Variants in NTM observed in about 807,000 individuals in gnomAD.
NTM encodes the protein IgLON family member 2.
In NTM, 13 loss-of-function variants were observed where a neutral mutation model predicts 42.1. That is an observed-to-expected ratio of 0.31 (90% CI 0.20 to 0.49). The LOEUF (loss-of-function observed/expected upper bound fraction) is 0.49. NTM is among the 20% of genes least tolerant of loss of function. The pLI is 0.99. For missense variants in NTM, 373 were observed against 452.8 expected (o/e 0.82, Z 1.60); for synonymous variants, 187 against 179.2 (o/e 1.04, Z -0.35).
intron 1 of NTM, among the ~76,000 whole-genome samples, chr11:131,557,606 G>C (rs1310396832): frequency 6.6e-6 from 1 of 152,248 alleles, no homozygotes; most frequent in South Asian, 2.1e-4. Context: ...AAATTAATAT[G>C]ACTATGCTGT....
intron 1 of NTM, among the ~76,000 whole-genome samples, chr11:131,617,772 C>G (rs562024981): frequency 5.3e-5 from 8 of 152,284 alleles, no homozygotes; most frequent in Middle Eastern, 3.4e-3. Flanking sequence ...GTTCTTTCCC[C>G]TGGGGTTTTT....
chr11:132,186,318 C>T (rs1419866260), intron 3 of NTM, among the ~76,000 whole-genome samples: 1 of 152,144 alleles, frequency 6.6e-6, no homozygotes, highest in African/African-American at 2.4e-5. Flanking sequence ...GAGACACAGC[C>T]ACCAAGGGAA....
chr11:131,905,132 T>C (rs1188405437), intron 1 of NTM, among the ~76,000 whole-genome samples: 2 of 152,182 alleles, frequency 1.3e-5, no homozygotes, highest in African/African-American at 4.8e-5. Flanking sequence ...TTGCAGCTAC[T>C]CCCTCATCTC....
chr11:131,541,185 C>A (rs1329155163), intron 1 of NTM, among the ~76,000 whole-genome samples: 1 of 152,166 alleles, frequency 6.6e-6, no homozygotes, highest in East Asian at 1.9e-4. Context: ...CCCCGTCCTG[C>A]CTCGAAACAA....
intron 1 of NTM, among the ~76,000 whole-genome samples, chr11:131,704,708 A>T (rs1290795630): frequency 6.6e-6 from 1 of 152,204 alleles, no homozygotes; most frequent in East Asian, 1.9e-4. Context: ...GTGAGCTACA[A>T]AGAGCATAAA....
intron 1 of NTM, among the ~76,000 whole-genome samples, chr11:131,598,982 C>G (rs1384641867): frequency 1.3e-5 from 2 of 150,600 alleles, no homozygotes; most frequent in Admixed American, 1.3e-4. Context: ...GGCACAATCT[C>G]AGCTCACTTC....
intron 2 of NTM, among the ~76,000 whole-genome samples, chr11:131,928,207 C>G (rs1364235313): frequency 6.6e-6 from 1 of 151,858 alleles, no homozygotes; most frequent in African/African-American, 2.4e-5. Flanking sequence ...CAAGGGTTAC[C>G]CAATGGTCTA....
chr11:131,508,235 GA>G (rs2047748734), intron 1 of NTM, among the ~76,000 whole-genome samples: 1 of 144,386 alleles, frequency 6.9e-6, no homozygotes, highest in Admixed American at 6.9e-5. Context: ...GACATGAACA[GA>G]CACTTCTCAA....
chr11:131,996,729 A>G (rs1210404057), intron 2 of NTM, among the ~76,000 whole-genome samples: 1 of 152,116 alleles, frequency 6.6e-6, no homozygotes, highest in Non-Finnish European at 1.5e-5. Context: ...TCCTGGAAGC[A>G]TGAGTGATTA....
intron 2 of NTM, among the ~76,000 whole-genome samples, chr11:131,935,481 C>T (rs1300397897): frequency 6.6e-6 from 1 of 152,076 alleles, no homozygotes; most frequent in African/African-American, 2.4e-5. Context: ...TGGGCCACTT[C>T]CATGTCCAAA....
At chr11:132,252,149 G>C (rs1458620307) in intron 4 of NTM, among the ~76,000 whole-genome samples, 1 of 150,572 alleles carries the variant, frequency 6.6e-6, no homozygotes, top group Admixed American at 6.6e-5. Flanking sequence ...CTCAGCGTCA[G>C]TTCTACTTGG....
intron 2 of NTM, among the ~76,000 whole-genome samples, chr11:132,118,644 C>T (rs2064247195): frequency 6.6e-6 from 1 of 152,108 alleles, no homozygotes; most frequent in African/African-American, 2.4e-5. Flanking sequence ...GGAAAGGGTA[C>T]CAGAAATAGA....
intron 1 of NTM, among the ~76,000 whole-genome samples, chr11:131,516,384 T>C (rs1417953608): frequency 6.6e-6 from 1 of 152,184 alleles, no homozygotes; most frequent in Non-Finnish European, 1.5e-5. Flanking sequence ...CCTTTTCTTT[T>C]TATTTTTTTA....
In NTM at chr11:131,824,466, C is replaced by A. The variant is rs188197509; in HGVS notation, c.83-87098C>A. On this transcript the variant is annotated intron_variant, in intron 1 of 8. Coordinates refer to ENST00000683400, the MANE Select transcript of NTM (RefSeq NM_001352005.2). ...ACACATAAGATAATAAAAGGTAATG[C>A]GGCAAGTTCTGTAATAGTAGAAAGC... 1.3e-4 allele frequency among the ~76,000 whole-genome samples: 20 copies of A among 152,270 alleles called. 1 individual carries two copies. The East Asian group carries it at 3.9e-3, about 29-fold the overall frequency.
At chr11:131,734,851 A>G (rs2135520789) in intron 1 of NTM, among the ~76,000 whole-genome samples, 1 of 152,326 alleles carries the variant, frequency 6.6e-6, no homozygotes, top group African/African-American at 2.4e-5. Flanking sequence ...AGCTGTTCAG[A>G]CAATTAAAAT....
At chr11:132,204,269 G>T (rs61045048) in intron 3 of NTM, among the ~76,000 whole-genome samples, 2 of 152,134 alleles carry the variant, frequency 1.3e-5, no homozygotes, top group African/African-American at 4.8e-5. Context: ...CAGTCCTTGG[G>T]GGCAATTTAA....
At position 131,686,868 on chromosome 11, in the gene NTM, G is replaced by T. The variant is rs561576059; in HGVS notation, c.83-224696G>T. 5.7e-4 allele frequency among the ~76,000 whole-genome samples: 87 copies of T among 152,328 alleles called. 1 individual carries two copies. The highest frequency in any genetic ancestry group is 2.0e-3 in the African/African-American group (84 of 41,572). ...AGAAGCACTTAGCTGTGGGCTGGAGGTTGGAGAATGTTCCATCTGCTGGAA... is the reference window on the plus strand; with the variant it reads ...AGAAGCACTTAGCTGTGGGCTGGAGTTTGGAGAATGTTCCATCTGCTGGAA... On this transcript the variant is annotated intron_variant, in intron 1 of 8. Coordinates refer to ENST00000683400, the MANE Select transcript of NTM (RefSeq NM_001352005.2).
intron 4 of NTM, among the ~76,000 whole-genome samples, chr11:132,276,895 T>C (rs2093747271): frequency 1.3e-5 from 2 of 152,208 alleles, no homozygotes. Flanking sequence ...CCTATGACTA[T>C]CCGAGGTGTA....
chr11:131,646,358 A>T (rs368595755), intron 1 of NTM, among the ~76,000 whole-genome samples: 1 of 152,200 alleles, frequency 6.6e-6, no homozygotes, highest in Non-Finnish European at 1.5e-5. Context: ...TAAAGAAAAA[A>T]GTGGATCCTT....
Sources: gnomAD v4.1 joint callset for allele counts (sites outside exome capture counted in the v4.1 genomes callset) on GRCh38, gnomAD v4.1.1 for gene constraint, MANE v1.5 for transcripts, NCBI Gene and HGNC (gene_info 2026-07-23, HGNC 2026-07-21) for gene names.